The following ANO10 variants were observed in gnomAD, a reference collection of about 807,000 sequenced individuals.
The protein encoded by ANO10 is anoctamin 10, also known as anoctamin-10.
A neutral mutation model predicts 74.7 loss-of-function variants in ANO10; 77 were observed. The observed-to-expected ratio is 1.03, with a 90% confidence interval of 0.86 to 1.25. ANO10 has a LOEUF of 1.25. ANO10 is among the 50% of genes most tolerant of loss of function. ANO10 has a pLI of 0.00. For synonymous variants in ANO10, 279 were observed against 284.9 expected, an observed-to-expected ratio of 0.98 and a Z score of 0.21; for missense variants, 721 against 778.1, an observed-to-expected ratio of 0.93 and a Z score of 0.87.
At chr3:43,634,282 T>C (rs2083582605) in intron 1 of ANO10, among the ~76,000 whole-genome samples, 1 of 152,118 alleles carries the variant, frequency 6.6e-6, no homozygotes, top group Non-Finnish European at 1.5e-5. Flanking sequence ...TAGATTTCCT[T>C]TTTACATGTC....
chr3:43,439,341 G>T (rs1007838432), intron 11 of ANO10, among the ~76,000 whole-genome samples: 1 of 150,584 alleles, frequency 6.6e-6, no homozygotes, highest in African/African-American at 2.5e-5. Flanking sequence ...AGCAAAACCT[G>T]AGGGATTTCA....
chr3:43,573,914 T>A (rs753742626), intron 7 of ANO10, among the ~76,000 whole-genome samples: 17 of 152,196 alleles, frequency 1.1e-4, no homozygotes, highest in Non-Finnish European at 2.5e-4. Context: ...AGGAAAAGAA[T>A]AGAAACATAT....
intron 2 of ANO10, among the ~76,000 whole-genome samples, chr3:43,601,939 A>G (rs1292758931): frequency 6.6e-6 from 1 of 152,210 alleles, no homozygotes; most frequent in African/African-American, 2.4e-5. Context: ...CCACACCTTA[A>G]GATCCTTCCC....
At chr3:43,547,754 C>T (rs1019289957) in intron 11 of ANO10, among the ~76,000 whole-genome samples, 2 of 152,098 alleles carry the variant, frequency 1.3e-5, no homozygotes, top group African/African-American at 2.4e-5. Flanking sequence ...GTAAGTCTCC[C>T]GAATTAAGTA....
intron 11 of ANO10, among the ~76,000 whole-genome samples, chr3:43,441,222 A>AG (rs2093154451): frequency 6.6e-6 from 1 of 151,280 alleles, no homozygotes; most frequent in Admixed American, 6.6e-5. Context: ...AACAACAGCA[A>AG]AAAAAAAATC....
At chr3:43,680,871 C>G (rs1293374719) in intron 1 of ANO10, among the ~76,000 whole-genome samples, 6 of 152,134 alleles carry the variant, frequency 3.9e-5, no homozygotes, top group African/African-American at 1.4e-4. Flanking sequence ...TACAGACAAG[C>G]AAATGCTGAG....
chr3:43,673,393 T>C (rs1407354942), intron 1 of ANO10, among the ~76,000 whole-genome samples: 1 of 152,224 alleles, frequency 6.6e-6, no homozygotes, highest in East Asian at 1.9e-4. Flanking sequence ...GCAACATTAA[T>C]GTCAGAGGAA....
intron 11 of ANO10, among the ~76,000 whole-genome samples, chr3:43,481,247 C>G (rs564269573): frequency 1.3e-5 from 2 of 151,944 alleles, no homozygotes; most frequent in African/African-American, 4.8e-5. Context: ...GAATATTTGA[C>G]CTTTAAAATT....
chr3:43,558,784 G>A (rs60754038), intron 9 of ANO10, among the ~76,000 whole-genome samples: 3,604 of 152,220 alleles, frequency 0.024, 145 homozygotes, highest in African/African-American at 0.081. Flanking sequence ...AAGTATCCCC[G>A]CCTCCAAATA....
At chr3:43,687,640 T>C (rs1219515322) in intron 1 of ANO10, among the ~76,000 whole-genome samples, 2 of 152,122 alleles carry the variant, frequency 1.3e-5, no homozygotes, top group Non-Finnish European at 2.9e-5. Flanking sequence ...GAGTACAAAG[T>C]AGGTACTGGC....
intron 12 of ANO10, among the ~76,000 whole-genome samples, chr3:43,429,982 C>T (rs1315385617): frequency 2.0e-5 from 3 of 152,158 alleles, no homozygotes; most frequent in South Asian, 2.1e-4. Flanking sequence ...ATTTACACTT[C>T]TGTCAGTTAT....
intron 11 of ANO10, among the ~76,000 whole-genome samples, chr3:43,546,648 A>G (rs2079204127): frequency 6.6e-6 from 1 of 152,120 alleles, no homozygotes; most frequent in Non-Finnish European, 1.5e-5. Context: ...TAGAAATTAA[A>G]AAAAAAAACA....
chr3:43,479,263 C>G (rs1334506243), intron 11 of ANO10, among the ~76,000 whole-genome samples: 7 of 152,120 alleles, frequency 4.6e-5, no homozygotes, highest in African/African-American at 1.7e-4. Context: ...ACACACAGTC[C>G]CTGTTATCCC....
chr3:43,385,218 A>C (rs535826864), intron 12 of ANO10, among the ~76,000 whole-genome samples: 1 of 152,204 alleles, frequency 6.6e-6, no homozygotes, highest in Non-Finnish European at 1.5e-5. Flanking sequence ...CCACAATGCA[A>C]TATCTCCTAC....
intron 12 of ANO10, among the ~76,000 whole-genome samples, chr3:43,415,829 A>G (rs1238463688): frequency 6.6e-6 from 1 of 152,188 alleles, no homozygotes; most frequent in Non-Finnish European, 1.5e-5. Flanking sequence ...GGCATGAGCC[A>G]CCATGCCTAG....
At chr3:43,580,620 A>G (rs1214211300) in intron 4 of ANO10, 148 bp from the exon 5 acceptor site, 6 of 932,146 alleles carry the variant, frequency 6.4e-6, no homozygotes, top group Non-Finnish European at 9.8e-6. Context: ...ATATTCTTTC[A>G]TTTTTCAGAA....
intron 11 of ANO10, among the ~76,000 whole-genome samples, chr3:43,476,663 C>T (rs543787997): frequency 2.0e-5 from 3 of 152,096 alleles, no homozygotes; most frequent in South Asian, 2.1e-4. Context: ...TAGTTTTTAT[C>T]GGTTTTTTCC....
chr3:43,653,923 TG>T (rs1418788554), intron 1 of ANO10, among the ~76,000 whole-genome samples: 1 of 90,874 alleles, frequency 1.1e-5, no homozygotes, highest in Non-Finnish European at 2.1e-5. Context: ...AGCAGTTTGC[TG>T]GGGTTTTTTT....
intron 9 of ANO10, among the ~76,000 whole-genome samples, chr3:43,558,933 C>A (rs1048991078): frequency 6.6e-6 from 1 of 152,156 alleles, no homozygotes; most frequent in African/African-American, 2.4e-5. Context: ...GCACTGTAAA[C>A]CCTAGAGTTC....
Sources: gnomAD v4.1 joint callset for allele counts (sites outside exome capture counted in the v4.1 genomes callset) on GRCh38, gnomAD v4.1.1 for gene constraint, MANE v1.5 for transcripts, NCBI Gene and HGNC (gene_info 2026-07-23, HGNC 2026-07-21) for gene names.